CACNA2D3: variants seen among roughly 807,000 people sequenced by gnomAD.
CACNA2D3 encodes the protein voltage-dependent calcium channel subunit alpha-2/delta-3.
In CACNA2D3, 60 loss-of-function variants were observed where a neutral mutation model predicts 160.6. The observed-to-expected ratio is 0.37, with a 90% CI of 0.30 to 0.46. The LOEUF (loss-of-function observed/expected upper bound fraction) is 0.46, where lower values mean the gene tolerates loss of function less well. Among genes scored for constraint, CACNA2D3 ranks in the 20% least tolerant of loss-of-function variants. The pLI is 1.00. For missense variants in CACNA2D3, 1,205 were observed against 1,365.0 expected (o/e 0.88, Z 1.85); for synonymous variants, 558 against 492.9 (o/e 1.13, Z -1.75).
intron 11 of CACNA2D3, among the ~76,000 whole-genome samples, chr3:54,733,699 G>C (rs762754216): frequency 4.3e-4 from 66 of 152,110 alleles, no homozygotes; most frequent in Non-Finnish European, 7.4e-4. Flanking sequence ...CATGTTGTTG[G>C]GGTATGGAAA....
chr3:54,686,481 G>A (rs1387556163), intron 11 of CACNA2D3, among the ~76,000 whole-genome samples: 1 of 152,152 alleles, frequency 6.6e-6, no homozygotes, highest in African/African-American at 2.4e-5. Context: ...AACAACAGGA[G>A]GTAAGAGAAA....
chr3:55,051,176 T>A (rs1047336385), intron 35 of CACNA2D3, among the ~76,000 whole-genome samples: 4 of 152,162 alleles, frequency 2.6e-5, no homozygotes, highest in Non-Finnish European at 5.9e-5. Context: ...GGAGGAGAGG[T>A]GCTCTGCTTT....
chr3:55,037,582 T>G (rs1157854357), intron 35 of CACNA2D3, among the ~76,000 whole-genome samples: 1 of 152,172 alleles, frequency 6.6e-6, no homozygotes, highest in East Asian at 1.9e-4. Context: ...TCGCCATCAA[T>G]TTAGAGAGGG....
At chr3:54,228,384 G>A (rs538445876) in intron 2 of CACNA2D3, among the ~76,000 whole-genome samples, 11 of 152,168 alleles carry the variant, frequency 7.2e-5, no homozygotes, top group Non-Finnish European at 1.3e-4. Context: ...GGATGAGAAT[G>A]ATACCTGCCT....
intron 4 of CACNA2D3, among the ~76,000 whole-genome samples, chr3:54,465,841 C>T (rs1700614026): frequency 6.6e-6 from 1 of 152,140 alleles, no homozygotes; most frequent in South Asian, 2.1e-4. Flanking sequence ...GATTTTTCTG[C>T]CCTGGATCTC....
At chr3:54,943,813 TAA>T (rs1701540938) in intron 27 of CACNA2D3, among the ~76,000 whole-genome samples, 1 of 152,212 alleles carries the variant, frequency 6.6e-6, no homozygotes, top group South Asian at 2.1e-4. Flanking sequence ...TGCAGGCACC[TAA>T]GACTTCTCTT....
chr3:54,870,180 G>A (rs950423030), intron 17 of CACNA2D3, among the ~76,000 whole-genome samples: 4 of 152,102 alleles, frequency 2.6e-5, no homozygotes, highest in Non-Finnish European at 4.4e-5. Context: ...GTGCAAGATC[G>A]ACCCCTTCTG....
chr3:54,503,483 G>T lies in CACNA2D3; in HGVS notation c.382-9G>T. On this transcript the variant is annotated splice_polypyrimidine_tract_variant and intron_variant, in intron 4 of 37. Transcript: ENST00000474759. ...GCCACATGTAATGTTTTTTGACTTT[G>T]TCTTTCAGTATGAATACTTCAATGC... 6.2e-7 allele frequency: 1 copy of T among 1,613,322 alleles called. No homozygotes were observed. Among genetic ancestry groups the T allele is most frequent in the Middle Eastern group, 1.7e-4 (1 of 6,052 alleles).
chr3:54,570,235 T>A, intron 8 of CACNA2D3, 131 bp downstream of exon 8: 1 of 965,248 alleles, frequency 1.0e-6, no homozygotes, highest in Non-Finnish European at 1.6e-6. Context: ...GTTAGTCTCA[T>A]GAAAGTTGAC....
chr3:54,816,972 G>T (rs1703472612), intron 14 of CACNA2D3, 102 bp downstream of exon 14: 2 of 1,384,586 alleles, frequency 1.4e-6, no homozygotes, highest in East Asian at 2.3e-5. Context: ...CAGTGAAATG[G>T]TTTTTTTCCA....
chr3:54,539,489 T>C (rs2106659028), intron 5 of CACNA2D3, among the ~76,000 whole-genome samples: 1 of 152,334 alleles, frequency 6.6e-6, no homozygotes, highest in South Asian at 2.1e-4. Context: ...TGTTTTCTTT[T>C]GCTTTGTGAC....
At position 54,683,437 on chromosome 3, in the gene CACNA2D3, A is replaced by G. The variant is rs758392552; in HGVS notation, c.1167+41196A>G. On this transcript the variant is annotated intron_variant, in intron 11 of 37. Transcript: ENST00000474759. Reference sequence around the variant, plus strand: ...ATTACAAGCATGGATTTGGAGTTCAATGCACCAGCATTTGATTCCAGGCCT... The same window carrying G: ...ATTACAAGCATGGATTTGGAGTTCAGTGCACCAGCATTTGATTCCAGGCCT... Among the ~76,000 whole-genome samples, 13 of 152,256 alleles carry G rather than the reference A, an allele frequency of 8.5e-5. No homozygotes were observed. In the East Asian group the frequency reaches 1.5e-3, roughly 18 times the overall value.
intron 27 of CACNA2D3, among the ~76,000 whole-genome samples, chr3:54,902,493 A>G (rs572672681): frequency 6.6e-6 from 1 of 152,168 alleles, no homozygotes; most frequent in Admixed American, 6.5e-5. Flanking sequence ...CATTGCTTAC[A>G]GTCCTTCTCT....
At position 54,625,718 on chromosome 3, in the gene CACNA2D3, G is replaced by A. The variant is rs558021315; in HGVS notation, c.964-2069G>A. The stretch of plus-strand genomic sequence containing the variant: ...ATGAAGAACCCACCCAAACTTTGGC[G>A]TTCACACTGGCACCATCTTGCCAGC... On this transcript the variant is annotated intron_variant, in intron 9 of 37. Coordinates refer to ENST00000474759, the MANE Select transcript of CACNA2D3 (RefSeq NM_018398.3). Among the ~76,000 whole-genome samples the A allele has an allele frequency of 7.2e-5, 11 of 152,286 alleles. No individual in the cohort carries two copies. In the South Asian group the frequency reaches 2.1e-3, roughly 29 times the overall value.
rs138875778 is a variant in CACNA2D3 at position 54,172,519 on chromosome 3, G to A, written c.204+48925G>A. Among the ~76,000 whole-genome samples the A allele has an allele frequency of 6.9e-3, 1,058 of 152,312 alleles. 16 individuals are homozygous for A. Among genetic ancestry groups the A allele is most frequent in the African/African-American group, 0.024 (1,008 of 41,544 alleles). On this transcript the variant is annotated intron_variant, in intron 2 of 37. Coordinates refer to ENST00000474759, the MANE Select transcript of CACNA2D3 (RefSeq NM_018398.3). ...ATGACGTAAACCCAGCTGGGCAAGT[G>A]CGGGCCTAGAACCCAATGCTAAGTA...
chr3:55,053,484 T>C lies in CACNA2D3; in HGVS notation c.2988-19961T>C, dbSNP rs564901659. Among the ~76,000 whole-genome samples the C allele has an allele frequency of 7.2e-5, 11 of 152,156 alleles. No homozygotes were observed. In the South Asian group the frequency reaches 2.3e-3, roughly 32 times the overall value. ...TTTAAATTCTAACAGCAATGATTCA[T>C]GATTTTCAGTAGTATATAGTTCCTG... On this transcript the variant is annotated intron_variant, in intron 35 of 37. Transcript: ENST00000474759.
At chr3:54,145,158 A>G (rs1159277458) in intron 2 of CACNA2D3, among the ~76,000 whole-genome samples, 2 of 152,272 alleles carry the variant, frequency 1.3e-5, no homozygotes, top group African/African-American at 4.8e-5. Flanking sequence ...TTAAGCTCCC[A>G]AATGCAGTTG....
intron 17 of CACNA2D3, among the ~76,000 whole-genome samples, chr3:54,857,960 A>G (rs1373346241): frequency 6.6e-6 from 1 of 152,096 alleles, no homozygotes; most frequent in East Asian, 1.9e-4. Context: ...CTTTAAGGAA[A>G]TTTGATTTAG....
intron 27 of CACNA2D3, among the ~76,000 whole-genome samples, chr3:54,961,801 G>A (rs1055792732): frequency 6.6e-6 from 1 of 152,144 alleles, no homozygotes; most frequent in African/African-American, 2.4e-5. Context: ...GACATCTTCT[G>A]TTTTCTTTTG....
Sources: gnomAD v4.1 joint callset for allele counts (sites outside exome capture counted in the v4.1 genomes callset) on GRCh38, gnomAD v4.1.1 for gene constraint, MANE v1.5 for transcripts, NCBI Gene and HGNC (gene_info 2026-07-23, HGNC 2026-07-21) for gene names.